The following RSU1 variants were observed in gnomAD, a reference collection of about 807,000 sequenced individuals.
RSU1 encodes the protein Ras suppressor protein 1.
RSU1 carries 26 observed loss-of-function variants against 31.1 expected under a neutral mutation model. The observed-to-expected ratio is 0.84, with a 90% CI of 0.61 to 1.16. The LOEUF is 1.16. RSU1 is among the 50% of genes most tolerant of loss of function. RSU1 has a pLI of 0.00. For synonymous variants in RSU1, 164 were observed against 136.3 expected (o/e 1.20, Z -1.41); for missense variants, 320 against 339.1 (o/e 0.94, Z 0.44).
rs1328233327 is a variant in RSU1, at chr10:16,592,951, A to C, written c.*443T>G. The C allele has an allele frequency of 6.5e-6, 1 of 153,950 alleles. No homozygotes were observed. Among genetic ancestry groups the C allele is most frequent in the Non-Finnish European group, 1.4e-5 (1 of 69,222 alleles). The allele number at this position is 153,950 out of a possible 1,614,324, so 9.5% of individuals were successfully genotyped here. On this transcript the variant is annotated 3_prime_UTR_variant, in exon 9 of 9. Transcript: ENST00000345264. ...TTTTATTAAAATCATTTGTAAGTTA[A>C]ATTAGCATATCTCGGTGGTGAAGGA...
chr10:16,803,186 A>G (rs528655638), intron 2 of RSU1, among the ~76,000 whole-genome samples: 1 of 152,318 alleles, frequency 6.6e-6, no homozygotes, highest in South Asian at 2.1e-4. Context: ...TGCAGGATAC[A>G]AGGTAATATA....
At chr10:16,594,708 A>C (rs1833580697) in intron 8 of RSU1, among the ~76,000 whole-genome samples, 1 of 147,444 alleles carries the variant, frequency 6.8e-6, no homozygotes, top group Non-Finnish European at 1.5e-5. Flanking sequence ...ATCATAGATA[A>C]TATATGATAC....
At chr10:16,639,947 A>G (rs765005391) in intron 8 of RSU1, among the ~76,000 whole-genome samples, 7 of 152,222 alleles carry the variant, frequency 4.6e-5, no homozygotes, top group Non-Finnish European at 1.0e-4. Flanking sequence ...AATATAAATG[A>G]GACAATATAT....
chr10:16,766,351 T>G (rs1435403748), intron 3 of RSU1, among the ~76,000 whole-genome samples: 2 of 152,236 alleles, frequency 1.3e-5, no homozygotes, highest in Non-Finnish European at 2.9e-5. Flanking sequence ...GTACATTCTT[T>G]CTTAGGTGCA....
intron 2 of RSU1, among the ~76,000 whole-genome samples, chr10:16,805,445 G>A (rs1415702924): frequency 6.6e-6 from 1 of 152,082 alleles, no homozygotes; most frequent in Non-Finnish European, 1.5e-5. Flanking sequence ...GCCGAGGAGG[G>A]TGGATCACGA....
chr10:16,659,721 G>T (rs1834854458), intron 8 of RSU1, among the ~76,000 whole-genome samples: 2 of 152,138 alleles, frequency 1.3e-5, no homozygotes, highest in Non-Finnish European at 2.9e-5. Context: ...CCTCAGGAGG[G>T]TTTTTGTTAT....
intron 7 of RSU1, among the ~76,000 whole-genome samples, chr10:16,733,437 G>A (rs1018077055): frequency 1.3e-5 from 2 of 151,908 alleles, no homozygotes; most frequent in African/African-American, 2.4e-5. Context: ...GAACCCAGGA[G>A]GCAGAGGGTG....
intron 8 of RSU1, among the ~76,000 whole-genome samples, chr10:16,666,561 T>C (rs1834992960): frequency 6.6e-6 from 1 of 152,180 alleles, no homozygotes; most frequent in Non-Finnish European, 1.5e-5. Context: ...GTGGATCACA[T>C]AGTGTTTGCA....
At chr10:16,607,324 A>T (rs1053870465) in intron 8 of RSU1, among the ~76,000 whole-genome samples, 1 of 152,048 alleles carries the variant, frequency 6.6e-6, no homozygotes, top group Non-Finnish European at 1.5e-5. Context: ...CTTCTATATA[A>T]ATTACGCAGT....
At chr10:16,702,555 G>C (rs895920768) in intron 7 of RSU1, among the ~76,000 whole-genome samples, 1 of 152,222 alleles carries the variant, frequency 6.6e-6, no homozygotes, top group East Asian at 1.9e-4. Context: ...GATGTCTTAA[G>C]ATTTAATGAC....
At chr10:16,714,971 G>A (rs756987642) in intron 7 of RSU1, among the ~76,000 whole-genome samples, 4 of 152,278 alleles carry the variant, frequency 2.6e-5, no homozygotes, top group South Asian at 2.1e-4. Flanking sequence ...TGGCAATGGG[G>A]ACTGCTGGGA....
At chr10:16,691,966 T>C (rs1835563710) in intron 8 of RSU1, among the ~76,000 whole-genome samples, 1 of 152,220 alleles carries the variant, frequency 6.6e-6, no homozygotes, top group South Asian at 2.1e-4. Context: ...CTTGAACTCC[T>C]GGCCTCAAGT....
intron 7 of RSU1, among the ~76,000 whole-genome samples, chr10:16,716,635 C>G (rs1013724216): frequency 6.6e-6 from 1 of 151,932 alleles, no homozygotes; most frequent in Non-Finnish European, 1.5e-5. Context: ...CACTGATAAG[C>G]GTATTTCAAC....
intron 8 of RSU1, among the ~76,000 whole-genome samples, chr10:16,643,833 A>T (rs560922592): frequency 1.3e-5 from 2 of 152,124 alleles, no homozygotes; most frequent in East Asian, 3.9e-4. Context: ...AACTCCAAAT[A>T]AAAAAAATAC....
chr10:16,658,537 A>G lies in RSU1; in HGVS notation c.731+36486T>C, dbSNP rs1377079996. Among the ~76,000 whole-genome samples the G allele has an allele frequency of 2.6e-5, 4 of 152,150 alleles. No homozygotes were observed. The East Asian group carries it at 7.7e-4, about 29-fold the overall frequency. On this transcript the variant is annotated intron_variant, in intron 8 of 8. Coordinates refer to ENST00000345264, the MANE Select transcript of RSU1 (RefSeq NM_012425.4). ...TCAGGAGTTCGAGACCAGCCTGGAT[A>G]ACATGGTGAAACCCCGTCTCTACTA... is the stretch of plus-strand genomic sequence containing the variant.
At chr10:16,774,140 G>A (rs1049216131) in intron 3 of RSU1, among the ~76,000 whole-genome samples, 5 of 151,054 alleles carry the variant, frequency 3.3e-5, no homozygotes, top group Non-Finnish European at 7.4e-5. Flanking sequence ...GCCCACACAC[G>A]TTCTGTTCAA....
intron 8 of RSU1, among the ~76,000 whole-genome samples, chr10:16,623,686 T>A (rs1834109814): frequency 6.6e-6 from 1 of 152,314 alleles, no homozygotes; most frequent in African/African-American, 2.4e-5. Flanking sequence ...GCCAGCATGT[T>A]GTTTTTTGAC....
intron 4 of RSU1, among the ~76,000 whole-genome samples, chr10:16,756,450 G>A (rs1025144946): frequency 1.5e-4 from 23 of 152,078 alleles, no homozygotes; most frequent in African/African-American, 4.3e-4. Flanking sequence ...CCCTGAGACC[G>A]CAAAACCAAC....
At chr10:16,675,804 T>A (rs934532540) in intron 8 of RSU1, among the ~76,000 whole-genome samples, 1 of 152,226 alleles carries the variant, frequency 6.6e-6, no homozygotes, top group African/African-American at 2.4e-5. Flanking sequence ...AGACCTGACA[T>A]CACCCTGCCT....
Sources: allele counts gnomAD v4.1 joint callset (sites outside exome capture counted in the v4.1 genomes callset), GRCh38; gene constraint gnomAD v4.1.1; transcripts MANE v1.5; gene names NCBI Gene and HGNC (gene_info 2026-07-23, HGNC 2026-07-21).